The following PRMT6 variants were observed in gnomAD, a reference collection of about 807,000 sequenced individuals.
PRMT6 encodes protein arginine N-methyltransferase 6.
In PRMT6, 23 loss-of-function variants were observed where a neutral mutation model predicts 30.5. The ratio of observed to expected loss-of-function variants is 0.75; its 90% confidence interval spans 0.54 to 1.07. The LOEUF (loss-of-function observed/expected upper bound fraction) is 1.07. Among genes scored for constraint, PRMT6 ranks in the 50% least tolerant of loss-of-function variants. The pLI is 0.00. For synonymous variants in PRMT6, 265 were observed against 228.0 expected, an observed-to-expected ratio of 1.16 and a Z score of -1.46; for missense variants, 528 against 514.3, an observed-to-expected ratio of 1.03 and a Z score of -0.26.
rs562894364 is a variant in PRMT6, at chr1:107,056,752, G to A, written c.37G>A (p.Gly13Ser). The part of the protein sequence containing the change: ...QPKKRKLESG[G>S]GGEGGEGTEE... ...CAAGAAAAGAAAGCTTGAGTCGGGG[G>A]GCGGCGGCGAAGGAGGGGAGGGAAC... The change falls in exon 1 of 1, where the codon GGC becomes AGC. Residue 13 changes from glycine (G) to serine (S), a missense_variant. Physicochemically the swap from Gly to Ser is moderately conservative, Grantham distance 56. Coordinates refer to ENST00000370078, the MANE Select transcript of PRMT6 (RefSeq NM_018137.3). 1.2e-5 allele frequency: 19 copies of A among 1,542,196 alleles called. No homozygotes were observed. In the South Asian group the frequency reaches 2.2e-4, roughly 18 times the overall value.
chr1:107,057,773 T>TGC lies in PRMT6; in HGVS notation c.1062_1063dup (p.Val355AlafsTer36). The stretch of plus-strand genomic sequence containing the variant: ...CCCTCCCGGGACAACCCCCGTCGCC[T>TGC]GCGCGTGCTGCTGCGCTACAAAGTG... On this transcript the variant is annotated frameshift_variant, in exon 1 of 1. Transcript: ENST00000370078. LOFTEE classifies it high-confidence loss of function. 1 of 1,612,810 alleles carries TGC rather than the reference T, an allele frequency of 6.2e-7. No individual in the cohort carries two copies. Among genetic ancestry groups the TGC allele is most frequent in the Non-Finnish European group, 8.5e-7 (1 of 1,179,342 alleles).
At position 107,058,850 on chromosome 1, in the gene PRMT6, AG is replaced by A. The variant is rs1651789011; in HGVS notation, c.*1008del. On this transcript the variant is annotated 3_prime_UTR_variant, in exon 1 of 1. Transcript: ENST00000370078. ...AGTTGGCCTACTTACAAGTAGTGAAAGTTCCCTTTTCAGTTTTGTTTTGTTT... is the reference window on the plus strand; with the variant it reads ...AGTTGGCCTACTTACAAGTAGTGAAATTCCCTTTTCAGTTTTGTTTTGTTT... 1.2e-5 allele frequency: 2 copies of A among 167,092 alleles called. No individual in the cohort carries two copies. Among genetic ancestry groups the A allele is most frequent in the African/African-American group, 4.8e-5 (2 of 41,460 alleles). 10.4% of individuals were successfully genotyped at this position (167,092 alleles called of 1,614,324 possible).
chr1:107,056,812 C>T lies in PRMT6; in HGVS notation c.97C>T (p.Leu33=). 3 of 1,592,522 alleles carry T rather than the reference C, an allele frequency of 1.9e-6. No homozygotes were observed. The highest frequency in any genetic ancestry group is 2.6e-6 in the Non-Finnish European group (3 of 1,169,436). ...AGATGGCGCGGAGCGGGAGGCGGCC[C>T]TGGAGCGACCCCGGAGGACTAAGCG... ...EEDGAEREAA[L]ERPRRTKRER... The change falls in exon 1 of 1, where the codon CTG becomes TTG. Residue 33 remains leucine, a synonymous_variant. Coordinates refer to ENST00000370078, the MANE Select transcript of PRMT6 (RefSeq NM_018137.3).
chr1:107,057,816 G>A lies in PRMT6; in HGVS notation c.1101G>A (p.Lys367=). ...ACAAAGTGGGAGACCAGGAGGAGAA[G>A]ACCAAAGACTTTGCCATGGAGGACT... ...LRYKVGDQEE[K]TKDFAMED Residue 367 remains lysine, a synonymous_variant, in exon 1 of 1, where the codon AAG becomes AAA. Coordinates refer to ENST00000370078, the MANE Select transcript of PRMT6 (RefSeq NM_018137.3). 3.1e-6 allele frequency: 5 copies of A among 1,593,766 alleles called. No individual in the cohort carries two copies. Among genetic ancestry groups the A allele is most frequent in the Non-Finnish European group, 4.3e-6 (5 of 1,169,570 alleles).
At position 107,056,853 on chromosome 1, in the gene PRMT6, G is replaced by A. The variant is rs542443535; in HGVS notation, c.138G>A (p.Leu46=). Residue 46 remains leucine, a synonymous_variant, in exon 1 of 1, where the codon CTG becomes CTA. Coordinates refer to ENST00000370078, the MANE Select transcript of PRMT6 (RefSeq NM_018137.3). The stretch of plus-strand genomic sequence containing the variant: ...GGACTAAGCGGGAACGGGACCAGCT[G>A]TACTACGAGTGCTACTCGGACGTTT... The part of the protein sequence containing the change: ...PRRTKRERDQ[L]YYECYSDVSV... 1.3e-5 allele frequency: 21 copies of A among 1,612,960 alleles called. No homozygotes were observed. In the South Asian group the frequency reaches 2.1e-4, roughly 16 times the overall value.
At position 107,058,573 on chromosome 1, in the gene PRMT6, A is replaced by G. The variant is rs1296450280; in HGVS notation, c.*730A>G. 1 of 167,178 alleles carries G rather than the reference A, an allele frequency of 6.0e-6. No individual in the cohort carries two copies. Among genetic ancestry groups the G allele is most frequent in the East Asian group, 1.9e-4 (1 of 5,206 alleles). 10.4% of individuals were successfully genotyped at this position (167,178 alleles called of 1,614,324 possible). ...GGTGCATTTAAGAGAGAGACCTGAA[A>G]GAAATAGTATGGATTTTTAAAAATT... On this transcript the variant is annotated 3_prime_UTR_variant, in exon 1 of 1. Transcript: ENST00000370078.
At position 107,059,112 on chromosome 1, in the gene PRMT6, C is replaced by T. The variant is rs1418609355; in HGVS notation, c.*1269C>T. Reference sequence around the variant, plus strand: ...TATTATTAGTTCTTAAGTGTTACAGCCCCTTCAGAATATAACTTCAGGACA... The same window carrying T: ...TATTATTAGTTCTTAAGTGTTACAGTCCCTTCAGAATATAACTTCAGGACA... On this transcript the variant is annotated 3_prime_UTR_variant, in exon 1 of 1. Coordinates refer to ENST00000370078, the MANE Select transcript of PRMT6 (RefSeq NM_018137.3). 3.0e-5 allele frequency: 5 copies of T among 167,066 alleles called. No individual in the cohort carries two copies. The East Asian group carries it at 9.7e-4, about 32-fold the overall frequency. The allele number at this position is 167,066 out of a possible 1,614,324, so 10.3% of individuals were successfully genotyped here.
In PRMT6 at chr1:107,057,931, A is replaced by C. The variant is rs965098672; in HGVS notation, c.*88A>C. The C allele has an allele frequency of 7.9e-6, 12 of 1,518,500 alleles. No homozygotes were observed. Among genetic ancestry groups the C allele is most frequent in the Non-Finnish European group, 9.8e-6 (11 of 1,117,534 alleles). The allele number at this position is 1,518,500 out of a possible 1,614,324, so 94.1% of individuals were successfully genotyped here. Reference sequence around the variant, plus strand: ...AGGTCGGAGGGGAAAGGGAGATCCCACGTGCAAGTAGGGGGAATATCTCCC... The same window carrying C: ...AGGTCGGAGGGGAAAGGGAGATCCCCCGTGCAAGTAGGGGGAATATCTCCC... On this transcript the variant is annotated 3_prime_UTR_variant, in exon 1 of 1. Coordinates refer to ENST00000370078, the MANE Select transcript of PRMT6 (RefSeq NM_018137.3).
chr1:107,057,751 T>A lies in PRMT6; in HGVS notation c.1036T>A (p.Ser346Thr), dbSNP rs1482179688. 6.2e-7 allele frequency: 1 copy of A among 1,613,952 alleles called. No individual in the cohort carries two copies. The highest frequency in any genetic ancestry group is 8.5e-7 in the Non-Finnish European group (1 of 1,179,890). Residue 346 changes from serine (S) to threonine (T), a missense_variant, in exon 1 of 1, where the codon TCC becomes ACC. Ser to Thr is a moderately conservative substitution (Grantham distance 58, BLOSUM62 1). Transcript: ENST00000370078. ...TTCAGGAGAGATCACGCTGCTGCCC[T>A]CCCGGGACAACCCCCGTCGCCTGCG... is the stretch of plus-strand genomic sequence containing the variant. ...DVSGEITLLP[S>T]RDNPRRLRVL...
At position 107,058,999 on chromosome 1, in the gene PRMT6, T is replaced by C. The variant is rs1651793237; in HGVS notation, c.*1156T>C. ...TCTGATGTTTCCTTCCTTATCCTTG[T>C]AGCCAATAAAACATTGACATTCTCA... On this transcript the variant is annotated 3_prime_UTR_variant, in exon 1 of 1. Coordinates refer to ENST00000370078, the MANE Select transcript of PRMT6 (RefSeq NM_018137.3). 2 of 167,112 alleles carry C rather than the reference T, an allele frequency of 1.2e-5. No individual in the cohort carries two copies. Among genetic ancestry groups the C allele is most frequent in the Non-Finnish European group, 2.9e-5 (2 of 68,126 alleles). 10.4% of individuals were successfully genotyped at this position (167,112 alleles called of 1,614,324 possible).
rs1196679569 is a variant in PRMT6 at position 107,057,541 on chromosome 1, C to T, written c.826C>T (p.Arg276Cys). The T allele has an allele frequency of 1.9e-6, 3 of 1,613,628 alleles. No homozygotes were observed. The highest frequency in any genetic ancestry group is 2.7e-5 in the African/African-American group (2 of 74,948). ...ELEAGVGGRF[R>C]CSCYGSAPMH... ...GGAGGCCGGAGTGGGCGGGCGCTTCCGCTGCAGCTGCTATGGCTCGGCGCC... is the reference window on the plus strand; with the variant it reads ...GGAGGCCGGAGTGGGCGGGCGCTTCTGCTGCAGCTGCTATGGCTCGGCGCC... Residue 276 changes from arginine (R) to cysteine (C), a missense_variant, in exon 1 of 1, where the codon CGC (arginine) becomes TGC (cysteine). Transcript: ENST00000370078.
chr1:107,057,975 C>A lies in PRMT6; in HGVS notation c.*132C>A, dbSNP rs1399245114. 8.3e-7 allele frequency: 1 copy of A among 1,211,216 alleles called. No homozygotes were observed. The highest frequency in any genetic ancestry group is 1.2e-6 in the Non-Finnish European group (1 of 849,228). The allele number at this position is 1,211,216 out of a possible 1,614,324, so 75.0% of individuals were successfully genotyped here. A position where few individuals can be genotyped will look rare whatever the true frequency, so the allele number is the denominator to read the frequency against. ...ATCTCCCCCTTTTCCCTCATAGCCT[C>A]TAGGGAGGGAGAGTGACTTCATTCT... On this transcript the variant is annotated 3_prime_UTR_variant, in exon 1 of 1. Coordinates refer to ENST00000370078, the MANE Select transcript of PRMT6 (RefSeq NM_018137.3).
Position 107,056,844 on chromosome 1 carries a change from G to C in PRMT6, c.129G>C (p.Arg43=), listed in dbSNP as rs764826898. 1 of 1,611,738 alleles carries C rather than the reference G, an allele frequency of 6.2e-7. No homozygotes were observed. The highest frequency in any genetic ancestry group is 8.5e-7 in the Non-Finnish European group (1 of 1,178,980). ...GACCCCGGAGGACTAAGCGGGAACGGGACCAGCTGTACTACGAGTGCTACT... is the reference window on the plus strand; with the variant it reads ...GACCCCGGAGGACTAAGCGGGAACGCGACCAGCTGTACTACGAGTGCTACT... ...LERPRRTKRE[R]DQLYYECYSD... Residue 43 remains arginine, a synonymous_variant, in exon 1 of 1, where the codon CGG becomes CGC. Coordinates refer to ENST00000370078, the MANE Select transcript of PRMT6 (RefSeq NM_018137.3).
In PRMT6 at chr1:107,057,251, A is replaced by G. The variant is rs565706783; in HGVS notation, c.536A>G (p.Lys179Arg). The G allele has an allele frequency of 1.2e-6, 2 of 1,614,066 alleles. No individual in the cohort carries two copies. The highest frequency in any genetic ancestry group is 1.7e-5 in the Admixed American group (1 of 60,036). The change falls in exon 1 of 1, where the codon AAG (lysine) becomes AGG (arginine). Residue 179 changes from lysine to arginine, a missense_variant. Physicochemically the swap from Lys to Arg is conservative, Grantham distance 26. Coordinates refer to ENST00000370078, the MANE Select transcript of PRMT6 (RefSeq NM_018137.3). The part of the protein sequence containing the change: ...SVLHARTKWL[K>R]EGGLLLPASA... ...CTCCACGCGCGAACCAAGTGGCTGAAGGAGGGCGGTCTTCTCCTGCCGGCC... is the reference window on the plus strand; with the variant it reads ...CTCCACGCGCGAACCAAGTGGCTGAGGGAGGGCGGTCTTCTCCTGCCGGCC...
chr1:107,057,457 G>C lies in PRMT6; in HGVS notation c.742G>C (p.Ala248Pro). Residue 248 changes from alanine to proline, a missense_variant, in exon 1 of 1, where the codon GCC becomes CCC. By Grantham distance (27) the Ala-to-Pro change is conservative. Coordinates refer to ENST00000370078, the MANE Select transcript of PRMT6 (RefSeq NM_018137.3). ...VQGLSGEDVL[A>P]RPQRFAQLEL... is the part of the protein sequence containing the mutation. ...GGGATTGTCCGGCGAGGACGTGCTGGCCCGGCCGCAGCGCTTTGCTCAGCT... is the reference window on the plus strand; with the variant it reads ...GGGATTGTCCGGCGAGGACGTGCTGCCCCGGCCGCAGCGCTTTGCTCAGCT... The C allele has an allele frequency of 6.2e-7, 1 of 1,612,874 alleles. No individual in the cohort carries two copies. The highest frequency in any genetic ancestry group is 1.1e-5 in the South Asian group (1 of 90,994).
At position 107,057,460 on chromosome 1, in the gene PRMT6, C is replaced by G. The variant is rs747924265; in HGVS notation, c.745C>G (p.Arg249Gly). Residue 249 changes from arginine (R) to glycine (G), a missense_variant, in exon 1 of 1, where the codon CGG becomes GGG. Arg to Gly is a moderately radical substitution (Grantham distance 125, BLOSUM62 -2). Coordinates refer to ENST00000370078, the MANE Select transcript of PRMT6 (RefSeq NM_018137.3). ...QGLSGEDVLARPQRFAQLELS... is the reference protein window; with the variant it reads ...QGLSGEDVLAGPQRFAQLELS... ...ATTGTCCGGCGAGGACGTGCTGGCC[C>G]GGCCGCAGCGCTTTGCTCAGCTAGA... is the stretch of plus-strand genomic sequence containing the variant. 1 of 1,612,556 alleles carries G rather than the reference C, an allele frequency of 6.2e-7. No homozygotes were observed. Among genetic ancestry groups the G allele is most frequent in the Non-Finnish European group, 8.5e-7 (1 of 1,179,362 alleles).
Position 107,057,699 on chromosome 1 carries a change from G to T in PRMT6, c.984G>T (p.Pro328=), listed in dbSNP as rs1381883901. 1 of 1,614,254 alleles carries T rather than the reference G, an allele frequency of 6.2e-7. No homozygotes were observed. The highest frequency in any genetic ancestry group is 8.5e-7 in the Non-Finnish European group (1 of 1,180,054). The change falls in exon 1 of 1, where the codon CCG becomes CCT. Residue 328 remains proline, a synonymous_variant. Coordinates refer to ENST00000370078, the MANE Select transcript of PRMT6 (RefSeq NM_018137.3). The stretch of plus-strand genomic sequence containing the variant: ...AGGCGCTCCTCTACCTGAACGAGCC[G>T]GTGCAAGTGGAGCAAGACACGGACG... ...WKQALLYLNE[P]VQVEQDTDVS...
At position 107,058,234 on chromosome 1, in the gene PRMT6, C is replaced by G. The variant is rs1006710970; in HGVS notation, c.*391C>G. 4.7e-5 allele frequency: 14 copies of G among 300,582 alleles called. No homozygotes were observed. The highest frequency in any genetic ancestry group is 1.3e-3 in the Middle Eastern group (1 of 778). 18.6% of individuals were successfully genotyped at this position (300,582 alleles called of 1,614,324 possible). A position where few individuals can be genotyped will look rare whatever the true frequency, so the allele number is the denominator to read the frequency against. On this transcript the variant is annotated 3_prime_UTR_variant, in exon 1 of 1. Coordinates refer to ENST00000370078, the MANE Select transcript of PRMT6 (RefSeq NM_018137.3). ...CCTCACACCTTATCTAAGTCTGAAG[C>G]TGGGGAGAAAGGGGTTCATTTAGAC...
In PRMT6 at chr1:107,057,444, C is replaced by T; in HGVS notation, c.729C>T (p.Gly243=). Reference sequence around the variant, plus strand: ...AGATCGTTGTGCAGGGATTGTCCGGCGAGGACGTGCTGGCCCGGCCGCAGC... The same window carrying T: ...AGATCGTTGTGCAGGGATTGTCCGGTGAGGACGTGCTGGCCCGGCCGCAGC... ...HSEIVVQGLS[G]EDVLARPQRF... The change falls in exon 1 of 1, where the codon GGC becomes GGT. Residue 243 remains glycine, a synonymous_variant. Transcript: ENST00000370078. 1.2e-6 allele frequency: 2 copies of T among 1,613,278 alleles called. No individual in the cohort carries two copies. The highest frequency in any genetic ancestry group is 1.7e-6 in the Non-Finnish European group (2 of 1,179,764).
Sources: allele counts gnomAD v4.1 joint callset, GRCh38; gene constraint gnomAD v4.1.1; transcripts MANE v1.5; gene names NCBI Gene and HGNC (gene_info 2026-07-23, HGNC 2026-07-21).